Variants in PDE4D observed in about 807,000 individuals in gnomAD.
PDE4D encodes the protein phosphodiesterase 4D.
PDE4D carries 24 observed loss-of-function variants against 87.4 expected under a neutral mutation model. That is an observed-to-expected ratio of 0.27 (90% confidence interval 0.20 to 0.39). The LOEUF is 0.39. Among genes scored for constraint, PDE4D ranks in the 10% least tolerant of loss-of-function variants. PDE4D has a pLI of 1.00. For missense variants in PDE4D, 714 were observed against 1,041.0 expected, an observed-to-expected ratio of 0.69 and a Z score of 4.32; for synonymous variants, 384 against 383.2, an observed-to-expected ratio of 1.00 and a Z score of -0.02.
intron 1 of PDE4D, among the ~76,000 whole-genome samples, chr5:59,406,588 C>A (rs1791709756): frequency 1.3e-5 from 2 of 152,090 alleles, no homozygotes; most frequent in South Asian, 2.1e-4. Flanking sequence ...TGGGATTTCA[C>A]CGTATTGGTC....
At position 59,338,565 on chromosome 5, in the gene PDE4D, G is replaced by C. The variant is rs567736887; in HGVS notation, c.456-122597C>G. Reference sequence around the variant, plus strand: ...GAAAGACTGCACGTCATTAGCTTTTGAAAGTCATTACCATTAAGTCCATGT... The same window carrying C: ...GAAAGACTGCACGTCATTAGCTTTTCAAAGTCATTACCATTAAGTCCATGT... On this transcript the variant is annotated intron_variant, in intron 1 of 14. Coordinates refer to ENST00000340635, the MANE Select transcript of PDE4D (RefSeq NM_001104631.2). Among the ~76,000 whole-genome samples the C allele has an allele frequency of 5.3e-5, 8 of 152,226 alleles. No homozygotes were observed. The South Asian group carries it at 6.2e-4, about 12-fold the overall frequency.
intron 1 of PDE4D, among the ~76,000 whole-genome samples, chr5:59,468,368 A>G (rs1170423385): frequency 6.6e-6 from 1 of 152,158 alleles, no homozygotes; most frequent in Non-Finnish European, 1.5e-5. Context: ...TTCAAAAGCC[A>G]TTTGTTCTAC....
chr5:60,174,356 G>C lies in PDE4D; in HGVS notation c.42+11201C>G, dbSNP rs765453647. Among the ~76,000 whole-genome samples, 3 of 152,118 alleles carry C rather than the reference G, an allele frequency of 2.0e-5. No homozygotes were observed. In the South Asian group the frequency reaches 6.2e-4, roughly 31 times the overall value. On this transcript the variant is annotated intron_variant, in intron 2 of 16. Transcript: ENST00000502484. ...TATAAATACTAGAATTGTCAAAAGA[G>C]ATATACATGGACGGGAGTGACAGAA...
intron 1 of PDE4D, among the ~76,000 whole-genome samples, chr5:59,284,956 G>A (rs867638681): frequency 3.5e-4 from 23 of 65,076 alleles, no homozygotes; most frequent in South Asian, 1.4e-3. Flanking sequence ...GTAAACTATC[G>A]CAAGAACAAA....
intron 1 of PDE4D, among the ~76,000 whole-genome samples, chr5:60,438,981 T>C (rs780072370): frequency 6.6e-6 from 1 of 152,098 alleles, no homozygotes; most frequent in Non-Finnish European, 1.5e-5. Flanking sequence ...TGCACAAGCA[T>C]GCACTGTTGG....
At position 60,304,382 on chromosome 5, in the gene PDE4D, ACG is replaced by A. The variant is rs199755261; in HGVS notation, c.-89-118697_-89-118696del. On this transcript the variant is annotated intron_variant, in intron 1 of 16. Transcript: ENST00000502484. ...AGAGAAGGGCCGGGCGCGGTGGCTC[ACG>A]CCTGTAATCCCAGCACTTTGGGAGG... Among the ~76,000 whole-genome samples the A allele has an allele frequency of 0.012, 1,822 of 151,804 alleles. 59 individuals are homozygous for A. In the East Asian group the frequency reaches 0.13, roughly 11 times the overall value.
At chr5:59,412,597 C>T (rs1333298247) in intron 1 of PDE4D, among the ~76,000 whole-genome samples, 3 of 152,136 alleles carry the variant, frequency 2.0e-5, no homozygotes, top group African/African-American at 4.8e-5. Flanking sequence ...CATGCTTCTA[C>T]AGGGTATTGA....
At chr5:59,722,824 A>G (rs1756044543) in intron 1 of PDE4D, among the ~76,000 whole-genome samples, 1 of 152,148 alleles carries the variant, frequency 6.6e-6, no homozygotes, top group Non-Finnish European at 1.5e-5. Flanking sequence ...GTATACTCCT[A>G]TATACCAAAA....
chr5:59,299,391 T>G (rs1426227461), intron 1 of PDE4D, among the ~76,000 whole-genome samples: 1 of 152,124 alleles, frequency 6.6e-6, no homozygotes, highest in Non-Finnish European at 1.5e-5. Context: ...GGAACGGACT[T>G]GATGATGTGT....
intron 2 of PDE4D, among the ~76,000 whole-genome samples, chr5:60,037,879 C>T (rs1335932115): frequency 1.3e-5 from 2 of 151,964 alleles, no homozygotes; most frequent in African/African-American, 4.8e-5. Flanking sequence ...TTTTTTAGTC[C>T]TATGCATATT....
chr5:60,042,173 T>C (rs978449667), intron 2 of PDE4D, among the ~76,000 whole-genome samples: 2 of 152,128 alleles, frequency 1.3e-5, no homozygotes, highest in Non-Finnish European at 1.5e-5. Context: ...CTCCTCACAG[T>C]GTAAACAAAG....
intron 1 of PDE4D, among the ~76,000 whole-genome samples, chr5:59,616,930 T>TATATAC (rs762864440): frequency 1.6e-5 from 2 of 125,362 alleles, no homozygotes; most frequent in Non-Finnish European, 3.3e-5. Context: ...TATATATATA[T>TATATAC]ATATATATAT....
chr5:59,890,123 A>G (rs750130676), intron 1 of PDE4D, among the ~76,000 whole-genome samples: 8 of 152,318 alleles, frequency 5.3e-5, no homozygotes, highest in Non-Finnish European at 8.8e-5. Flanking sequence ...TAGCTTTATA[A>G]AAGATATACC....
At chr5:59,436,616 C>A (rs1796828619) in intron 1 of PDE4D, among the ~76,000 whole-genome samples, 1 of 152,158 alleles carries the variant, frequency 6.6e-6, no homozygotes, top group African/African-American at 2.4e-5. Flanking sequence ...ATCAGCTAGT[C>A]AGCAGGCCCA....
intron 3 of PDE4D, among the ~76,000 whole-genome samples, chr5:59,930,163 C>CAAAAA (rs35465849): frequency 3.6e-5 from 3 of 82,952 alleles, no homozygotes; most frequent in African/African-American, 5.3e-5. Context: ...ACTCCGTCTC[C>CAAAAA]AAAAAAAAAA....
At chr5:59,839,725 T>C (rs1352134377) in intron 1 of PDE4D, among the ~76,000 whole-genome samples, 1 of 152,020 alleles carries the variant, frequency 6.6e-6, no homozygotes, top group Non-Finnish European at 1.5e-5. Flanking sequence ...GTGCAAGTAA[T>C]ATTCATGCAT....
chr5:59,279,505 C>G (rs1428838892), intron 1 of PDE4D, among the ~76,000 whole-genome samples: 1 of 152,014 alleles, frequency 6.6e-6, no homozygotes, highest in Non-Finnish European at 1.5e-5. Context: ...TTTCTTAATT[C>G]CCAAAGGAGA....
chr5:59,221,864 C>G (rs1207941495), intron 1 of PDE4D, among the ~76,000 whole-genome samples: 2 of 152,064 alleles, frequency 1.3e-5, no homozygotes. Flanking sequence ...TGTTTGCTTC[C>G]CTTAATGCAA....
intron 2 of PDE4D, among the ~76,000 whole-genome samples, chr5:60,141,474 T>C (rs535359051): frequency 1.3e-5 from 2 of 152,274 alleles, no homozygotes; most frequent in Admixed American, 6.5e-5. Context: ...AAATCCACAC[T>C]TGGCTCTTGA....
Sources: allele counts gnomAD v4.1 joint callset (sites outside exome capture counted in the v4.1 genomes callset), GRCh38; gene constraint gnomAD v4.1.1; transcripts MANE v1.5; gene names NCBI Gene and HGNC (gene_info 2026-07-23, HGNC 2026-07-21).